The following SLCO1A2 variants were observed in gnomAD, a reference collection of about 807,000 sequenced individuals.
SLCO1A2 encodes solute carrier organic anion transporter family member 1A2.
A neutral mutation model predicts 69.0 loss-of-function variants in SLCO1A2; 67 were observed. The ratio of observed to expected loss-of-function variants is 0.97; its 90% confidence interval spans 0.80 to 1.19. SLCO1A2 has a LOEUF of 1.19. SLCO1A2 is among the 50% of genes most tolerant of loss of function. SLCO1A2 has a pLI of 0.00. For synonymous variants in SLCO1A2, 260 were observed against 265.9 expected (o/e 0.98, Z 0.22); for missense variants, 787 against 793.7 (o/e 0.99, Z 0.10).
chr12:21,374,377 C>T (rs1305012111), intron 2 of SLCO1A2: 1 of 152,148 alleles, frequency 6.6e-6, no homozygotes, highest in Non-Finnish European at 1.5e-5. Flanking sequence ...CACTCTTTAA[C>T]ACCAAGGAGA....
intron 1 of SLCO1A2, among the ~76,000 whole-genome samples, chr12:21,389,463 C>A (rs528718018): frequency 2.6e-5 from 4 of 152,058 alleles, no homozygotes; most frequent in African/African-American, 9.6e-5. Flanking sequence ...TTATCCAATG[C>A]AGATAAGACT....
chr12:21,311,972 AAGG>A lies in SLCO1A2; in HGVS notation c.335+2574_335+2576del, dbSNP rs35997979. On this transcript the variant is annotated intron_variant, in intron 4 of 14. Coordinates refer to ENST00000683939, the MANE Select transcript of SLCO1A2 (RefSeq NM_001386879.1). ...GAGGGAGAATGAGAAGGAGAAGAAGAAGGAGGAGGAGGAGGAAGAGGAGGAGGA... is the reference window on the plus strand; with the variant it reads ...GAGGGAGAATGAGAAGGAGAAGAAGAAGGAGGAGGAGGAAGAGGAGGAGGA... 4.1e-3 allele frequency among the ~76,000 whole-genome samples: 621 copies of A among 150,898 alleles called. 2 individuals are homozygous for A. The highest frequency in any genetic ancestry group is 6.3e-3 in the Admixed American group (95 of 15,110).
At chr12:21,340,733 A>G (rs146339850) in intron 2 of SLCO1A2, among the ~76,000 whole-genome samples, 1 of 152,050 alleles carries the variant, frequency 6.6e-6, no homozygotes, top group Admixed American at 6.6e-5. Context: ...TTTGGACTCC[A>G]CGTGCAATAC....
intron 1 of SLCO1A2, chr12:21,378,286 C>A (rs763676184): frequency 1.2e-6 from 2 of 1,614,134 alleles, no homozygotes. Flanking sequence ...TGCAACGCAG[C>A]GCCTGGCAAA....
intron 2 of SLCO1A2, among the ~76,000 whole-genome samples, chr12:21,349,872 A>G (rs1591869617): frequency 1.3e-5 from 2 of 152,162 alleles, no homozygotes; most frequent in African/African-American, 4.8e-5. Flanking sequence ...AATGCTCCTT[A>G]TCATCACCCC....
At chr12:21,366,419 T>C (rs1015033198) in intron 2 of SLCO1A2, among the ~76,000 whole-genome samples, 4 of 151,288 alleles carry the variant, frequency 2.6e-5, no homozygotes, top group African/African-American at 9.7e-5. Flanking sequence ...GGGGGAGGGA[T>C]AGCATTAGGA....
At chr12:21,283,944 C>T (rs1212593493) in intron 12 of SLCO1A2, among the ~76,000 whole-genome samples, 2 of 152,016 alleles carry the variant, frequency 1.3e-5, no homozygotes, top group Non-Finnish European at 2.9e-5. Context: ...TAAAGGGAAC[C>T]CTCCTACACT....
chr12:21,264,855 G>A lies in SLCO1A2; in HGVS notation c.*4693C>T, dbSNP rs1941907548. The A allele has an allele frequency of 6.6e-6, 1 of 152,278 alleles. No homozygotes were observed. Among genetic ancestry groups the A allele is most frequent in the South Asian group, 2.1e-4 (1 of 4,824 alleles). The allele number at this position is 152,278 out of a possible 1,614,324, so 9.4% of individuals were successfully genotyped here. ...TGTGCAGGAATATTTACAACAGTAA[G>A]ACTGTGAAGTTGTGGCGTCTAGAGG... On this transcript the variant is annotated 3_prime_UTR_variant, in exon 15 of 15. Coordinates refer to ENST00000683939, the MANE Select transcript of SLCO1A2 (RefSeq NM_001386879.1).
At chr12:21,413,237 CTTTTT>C (rs3983534) in intron 1 of SLCO1A2, among the ~76,000 whole-genome samples, 1 of 99,428 alleles carries the variant, frequency 1.0e-5, no homozygotes, top group African/African-American at 4.0e-5. Context: ...TTTTCTTTTT[CTTTTT>C]TTTTTTTTTT....
intron 1 of SLCO1A2, among the ~76,000 whole-genome samples, chr12:21,404,456 A>G (rs1941789575): frequency 6.6e-6 from 1 of 152,074 alleles, no homozygotes; most frequent in African/African-American, 2.4e-5. Context: ...CTCATTGTTC[A>G]GCTCCCACTA....
At chr12:21,391,503 T>A (rs181215409) in intron 1 of SLCO1A2, among the ~76,000 whole-genome samples, 132 of 152,246 alleles carry the variant, frequency 8.7e-4, no homozygotes, top group Non-Finnish European at 1.4e-3. Context: ...TAATGTATTA[T>A]TGAAAAATAC....
intron 12 of SLCO1A2, among the ~76,000 whole-genome samples, chr12:21,284,132 C>T (rs890047607): frequency 2.6e-5 from 4 of 152,086 alleles, no homozygotes; most frequent in Admixed American, 2.6e-4. Flanking sequence ...TTTATTGCAG[C>T]ACTATTCACA....
At chr12:21,332,085 A>G (rs1212742770) in intron 2 of SLCO1A2, among the ~76,000 whole-genome samples, 3 of 152,114 alleles carry the variant, frequency 2.0e-5, no homozygotes, top group Admixed American at 2.0e-4. Context: ...CAATTTAGAA[A>G]GTTTATTTTG....
intron 9 of SLCO1A2, among the ~76,000 whole-genome samples, chr12:21,296,094 G>A (rs906075264): frequency 1.3e-5 from 2 of 152,076 alleles, no homozygotes; most frequent in Non-Finnish European, 2.9e-5. Flanking sequence ...CTTTTCTTAG[G>A]ATCCAGGTAG....
At chr12:21,304,950 G>T (rs1429471565) in intron 5 of SLCO1A2, among the ~76,000 whole-genome samples, 1 of 152,184 alleles carries the variant, frequency 6.6e-6, no homozygotes, top group East Asian at 1.9e-4. Context: ...GACTCATTCA[G>T]CTGCTACAAG....
At chr12:21,282,067 A>T (rs918195241) in intron 12 of SLCO1A2, among the ~76,000 whole-genome samples, 15 of 151,744 alleles carry the variant, frequency 9.9e-5, no homozygotes, top group African/African-American at 3.4e-4. Flanking sequence ...TTCCAAACTC[A>T]TTCTATGAGG....
intron 2 of SLCO1A2, among the ~76,000 whole-genome samples, chr12:21,360,488 C>T (rs187949121): frequency 4.5e-4 from 68 of 152,304 alleles, no homozygotes; most frequent in African/African-American, 1.7e-4. Flanking sequence ...GTGTGAAGGA[C>T]GCAGAAGACT....
At chr12:21,416,535 G>T (rs568970717) in intron 1 of SLCO1A2, among the ~76,000 whole-genome samples, 1 of 151,864 alleles carries the variant, frequency 6.6e-6, no homozygotes, top group African/African-American at 2.4e-5. Context: ...AGCTAGCTTC[G>T]TGGGTATGTG....
rs771464786 is a variant in SLCO1A2 at position 21,295,611 on chromosome 12, A to G, written c.1257T>C (p.Asn419=). Reference sequence around the variant, plus strand: ...AAACAACATACCCTTCATAAGAGGTATTTATTCCAACAACTGAAGAATTTT... The same window carrying G: ...AAACAACATACCCTTCATAAGAGGTGTTTATTCCAACAACTGAAGAATTTT... ...TCENSSVVGI[N]TSYEGIPQDL... The change falls in exon 10 of 15, where the codon AAT becomes AAC. Residue 419 remains asparagine, a synonymous_variant. Coordinates refer to ENST00000683939, the MANE Select transcript of SLCO1A2 (RefSeq NM_001386879.1). 1 of 1,578,262 alleles carries G rather than the reference A, an allele frequency of 6.3e-7. No individual in the cohort carries two copies. The highest frequency in any genetic ancestry group is 1.1e-5 in the South Asian group (1 of 90,052).
Sources: allele counts gnomAD v4.1 joint callset (sites outside exome capture counted in the v4.1 genomes callset), GRCh38; gene constraint gnomAD v4.1.1; transcripts MANE v1.5; gene names NCBI Gene and HGNC (gene_info 2026-07-23, HGNC 2026-07-21).